Variants in CEACAM21 observed in about 807,000 individuals in gnomAD.
CEACAM21 encodes CEA cell adhesion molecule 21.
Under a neutral mutation model 33.2 loss-of-function variants are expected in CEACAM21, and 38 were observed. That is an observed-to-expected ratio of 1.14 (90% confidence interval 0.88 to 1.50). CEACAM21 has a LOEUF of 1.50. CEACAM21 is among the 40% of genes most tolerant of loss of function. The pLI, the probability that CEACAM21 is intolerant of heterozygous loss-of-function variation, is 0.00. For missense variants in CEACAM21, 385 were observed against 364.6 expected (o/e 1.06, Z -0.46); for synonymous variants, 156 against 143.0 (o/e 1.09, Z -0.65).
In CEACAM21 at chr19:41,576,167, T is replaced by G; in HGVS notation, c.-108T>G. The G allele has an allele frequency of 1.1e-5, 14 of 1,310,372 alleles. No individual in the cohort carries two copies. Among genetic ancestry groups the G allele is most frequent in the African/African-American group, 2.9e-5 (2 of 68,112 alleles). The allele number at this position is 1,310,372 out of a possible 1,614,324, so 81.2% of individuals were successfully genotyped here. A position where few individuals can be genotyped will look rare whatever the true frequency, so the allele number is the denominator to read the frequency against. ...CTCCTGCCTGAGAGGAAGCTCAGCA[T>G]AGAGGAAGGAAGGACAGCAGAGACA... is the stretch of plus-strand genomic sequence containing the variant. On this transcript the variant is annotated 5_prime_UTR_variant, in exon 1 of 7. Transcript: ENST00000401445.
At chr19:41,557,723 TC>T (rs2041623752) in intron 1 of CEACAM21, among the ~76,000 whole-genome samples, 1 of 152,250 alleles carries the variant, frequency 6.6e-6, no homozygotes. Flanking sequence ...AACTGGCATT[TC>T]CTTTCTCTCC....
chr19:41,585,728 G>T lies in CEACAM21; in HGVS notation c.851-112G>T, dbSNP rs2070688364. The T allele has an allele frequency of 3.3e-6, 4 of 1,228,624 alleles. No individual in the cohort carries two copies. The Middle Eastern group carries it at 5.6e-4, about 173-fold the overall frequency. 76.1% of individuals were successfully genotyped at this position (1,228,624 alleles called of 1,614,324 possible). On this transcript the variant is annotated intron_variant, in intron 5 of 6. Transcript: ENST00000401445. ...GCTTACTTGACCCCTAAAATAACCT[G>T]AGAAAGGCTCCCTCTCCCCAATTCT...
Position 41,586,702 on chromosome 19 carries a change from C to T in CEACAM21, c.*239C>T, listed in dbSNP as rs1278323112. 1.3e-5 allele frequency: 5 copies of T among 399,132 alleles called. No individual in the cohort carries two copies. Among genetic ancestry groups the T allele is most frequent in the Admixed American group, 3.5e-5 (1 of 28,496 alleles). 24.7% of individuals were successfully genotyped at this position (399,132 alleles called of 1,614,324 possible). On this transcript the variant is annotated 3_prime_UTR_variant, in exon 7 of 7. Coordinates refer to ENST00000401445, the MANE Select transcript of CEACAM21 (RefSeq NM_001098506.4). The stretch of plus-strand genomic sequence containing the variant: ...CCTGCTGAATATATAGAGACCTCAA[C>T]AGACTGCCCCGGGCTCTGGGTGGGC...
chr19:41,577,682 A>G (rs2043054979), intron 2 of CEACAM21, 123 bp downstream of exon 2: 1 of 1,420,804 alleles, frequency 7.0e-7, no homozygotes, highest in Non-Finnish European at 9.6e-7. Context: ...GGGTTTGGGC[A>G]TTTAGTGCAG....
chr19:41,559,958 T>G (rs1242516216), intron 1 of CEACAM21, among the ~76,000 whole-genome samples: 2 of 152,082 alleles, frequency 1.3e-5, no homozygotes, highest in Non-Finnish European at 2.9e-5. Context: ...CATCTCAGCC[T>G]GGACAACAGG....
intron 4 of CEACAM21, 92 bp from the exon 5 acceptor site, chr19:41,585,351 T>A: frequency 7.3e-7 from 1 of 1,374,584 alleles, no homozygotes; most frequent in South Asian, 1.2e-5. Context: ...CATACCCCTC[T>A]TGGAAATAGG....
At chr19:41,573,980 T>C (rs2042770562), upstream of CEACAM21, among the ~76,000 whole-genome samples, 1 of 152,226 alleles carries the variant, frequency 6.6e-6, no homozygotes, top group African/African-American at 2.4e-5. Context: ...AACAGTGTGC[T>C]TCTGGCACAA....
Position 41,579,550 on chromosome 19 carries a change from G to T in CEACAM21, c.622G>T (p.Asp208Tyr). 1 of 1,608,950 alleles carries T rather than the reference G, an allele frequency of 6.2e-7. No individual in the cohort carries two copies. Among genetic ancestry groups the T allele is most frequent in the Non-Finnish European group, 8.5e-7 (1 of 1,177,422 alleles). Residue 208 changes from aspartate (D) to tyrosine (Y), a missense_variant, in exon 3 of 7, where the codon GAC (aspartate) becomes TAC (tyrosine). Physicochemically the swap from Asp to Tyr is radical, Grantham distance 160 (BLOSUM62 -3). Coordinates refer to ENST00000401445, the MANE Select transcript of CEACAM21 (RefSeq NM_001098506.4). ...CACCATAGACCCCATCAGGCAGGAG[G>T]ACGCTGGGGAGTATCAGTGTGAGGT... ...VLTIDPIRQE[D>Y]AGEYQCEVSN...
chr19:41,550,723 G>C (rs2041153056), intron 1 of CEACAM21: 1 of 152,140 alleles, frequency 6.6e-6, no homozygotes, highest in Non-Finnish European at 1.5e-5. Context: ...AGTGTGCCCA[G>C]ATCGCACGAC....
intron 3 of CEACAM21, 70 bp from the exon 4 acceptor site, chr19:41,584,277 C>A: frequency 7.6e-7 from 1 of 1,315,926 alleles, no homozygotes; most frequent in Non-Finnish European, 1.1e-6. Context: ...CATGCCCCTG[C>A]CCTGCAAGGC....
upstream of CEACAM21, among the ~76,000 whole-genome samples, chr19:41,572,814 G>C (rs2042697667): frequency 6.6e-6 from 1 of 152,190 alleles, no homozygotes; most frequent in African/African-American, 2.4e-5. Flanking sequence ...ACTGAGGCTT[G>C]GAGGTGCTTT....
intron 2 of CEACAM21, 66 bp downstream of exon 2, chr19:41,577,625 A>G: frequency 6.3e-7 from 1 of 1,594,764 alleles, no homozygotes; most frequent in South Asian, 1.1e-5. Flanking sequence ...CAGGATTGTC[A>G]GGCCTGGGCT....
chr19:41,550,522 G>C (rs2041142990), intron 1 of CEACAM21: 1 of 152,246 alleles, frequency 6.6e-6, no homozygotes, highest in Admixed American at 6.5e-5. Context: ...TGTAATCCCA[G>C]CACTTTGGGA....
At chr19:41,570,567 G>A (rs931123109) in intron 2 of CEACAM21, among the ~76,000 whole-genome samples, 2 of 152,142 alleles carry the variant, frequency 1.3e-5, no homozygotes, top group Non-Finnish European at 2.9e-5. Context: ...AAGTGGGACC[G>A]GGCAGAATCA....
rs782343882 is a variant in CEACAM21, at chr19:41,579,389, C to CCACAG, written c.462_466dup (p.Val156AlafsTer11). Reference sequence around the variant, plus strand: ...CAGCCCTCCATCCAAGCCAGCAGCACCACAGTCACAGAGAAGGGCTCCGTG... The same window carrying CCACAG: ...CAGCCCTCCATCCAAGCCAGCAGCACCACAGCACAGTCACAGAGAAGGGCTCCGTG... On this transcript the variant is annotated frameshift_variant, in exon 3 of 7. Coordinates refer to ENST00000401445, the MANE Select transcript of CEACAM21 (RefSeq NM_001098506.4). LOFTEE classifies it high-confidence loss of function. The CCACAG allele has an allele frequency of 8.7e-6, 14 of 1,613,990 alleles. No homozygotes were observed. The South Asian group carries it at 1.5e-4, about 18-fold the overall frequency.
At chr19:41,577,622 G>A in intron 2 of CEACAM21, 63 bp downstream of exon 2, 1 of 1,600,924 alleles carries the variant, frequency 6.2e-7, no homozygotes, top group Non-Finnish European at 8.5e-7. Flanking sequence ...ACGCAGGATT[G>A]TCAGGCCTGG....
intron 1 of CEACAM21, among the ~76,000 whole-genome samples, chr19:41,576,727 A>G (rs1207497255): frequency 4.6e-5 from 7 of 152,214 alleles, no homozygotes; most frequent in Admixed American, 4.6e-4. Flanking sequence ...AGGAGTCTGC[A>G]GCCTGTCCCA....
chr19:41,549,521 G>A (rs576614446), exon 1 of CEACAM21: 1 of 152,268 alleles, frequency 6.6e-6, no homozygotes, highest in African/African-American at 2.4e-5. Context: ...GGGAGTCAGA[G>A]CAGAACTTGG....
intron 1 of CEACAM21, among the ~76,000 whole-genome samples, chr19:41,561,317 A>T (rs971196601): frequency 6.6e-6 from 1 of 152,170 alleles, no homozygotes; most frequent in Non-Finnish European, 1.5e-5. Flanking sequence ...AATTAAAAAA[A>T]ATTTGTAATA....
Sources: allele counts gnomAD v4.1 joint callset (sites outside exome capture counted in the v4.1 genomes callset), GRCh38; gene constraint gnomAD v4.1.1; transcripts MANE v1.5; gene names NCBI Gene and HGNC (gene_info 2026-07-23, HGNC 2026-07-21).